The following LRRC4C variants were observed in gnomAD, a reference collection of about 807,000 sequenced individuals.
The protein encoded by LRRC4C is leucine-rich repeat-containing protein 4C.
A neutral mutation model predicts 33.6 loss-of-function variants in LRRC4C; 5 were observed. That is an observed-to-expected ratio of 0.15 (90% CI 0.08 to 0.31). The LOEUF (loss-of-function observed/expected upper bound fraction) is 0.31, where lower values mean the gene tolerates loss of function less well. Ranked by LOEUF, LRRC4C falls within the 10% of genes least tolerant of loss-of-function variation. LRRC4C has a pLI of 1.00. For synonymous variants in LRRC4C, 329 were observed against 302.0 expected (o/e 1.09, Z -0.93); for missense variants, 560 against 796.7 (o/e 0.70, Z 3.58).
chr11:40,887,155 G>A (rs940993988), intron 2 of LRRC4C, among the ~76,000 whole-genome samples: 1 of 151,398 alleles, frequency 6.6e-6, no homozygotes, highest in African/African-American at 2.4e-5. Context: ...GGTCATCAAA[G>A]GAACTATTTG....
At chr11:40,923,744 A>C (rs2136386818) in intron 2 of LRRC4C, among the ~76,000 whole-genome samples, 1 of 152,342 alleles carries the variant, frequency 6.6e-6, no homozygotes, top group East Asian at 1.9e-4. Context: ...AAATCTGAGA[A>C]AAAATGTCCT....
intron 2 of LRRC4C, among the ~76,000 whole-genome samples, chr11:40,840,650 C>T (rs1565121189): frequency 6.6e-6 from 1 of 152,104 alleles, no homozygotes; most frequent in Non-Finnish European, 1.5e-5. Context: ...AGGTTTTGAT[C>T]AGCTGCTCTT....
intron 1 of LRRC4C, among the ~76,000 whole-genome samples, chr11:41,055,347 G>C (rs1276712474): frequency 6.6e-6 from 1 of 151,864 alleles, no homozygotes; most frequent in Non-Finnish European, 1.5e-5. Context: ...TTCCAGCTTG[G>C]GGCATTTACA....
At chr11:41,269,696 A>G (rs145788168) in intron 1 of LRRC4C, among the ~76,000 whole-genome samples, 48 of 152,270 alleles carry the variant, frequency 3.2e-4, no homozygotes, top group African/African-American at 1.1e-3. Flanking sequence ...GGAAGAATGT[A>G]GACAGTGACT....
intron 2 of LRRC4C, among the ~76,000 whole-genome samples, chr11:40,675,377 G>C (rs767848647): frequency 6.6e-6 from 1 of 152,188 alleles, no homozygotes; most frequent in Non-Finnish European, 1.5e-5. Context: ...TTAAGACTCA[G>C]AAAAATTGGA....
At chr11:40,760,811 A>T (rs1462821512) in intron 2 of LRRC4C, among the ~76,000 whole-genome samples, 1 of 147,194 alleles carries the variant, frequency 6.8e-6, no homozygotes, top group African/African-American at 2.5e-5. Flanking sequence ...ACACACACAC[A>T]CACACACACA....
intron 1 of LRRC4C, among the ~76,000 whole-genome samples, chr11:41,027,739 G>T (rs1313829475): frequency 6.6e-6 from 1 of 151,638 alleles, no homozygotes; most frequent in Non-Finnish European, 1.5e-5. Flanking sequence ...AACCCAATGT[G>T]AATATTGTTG....
intron 3 of LRRC4C, among the ~76,000 whole-genome samples, chr11:40,327,797 T>C (rs533374490): frequency 6.6e-6 from 1 of 152,134 alleles, no homozygotes; most frequent in South Asian, 2.1e-4. Context: ...TTCACTACAC[T>C]CTACATTGAC....
intron 1 of LRRC4C, among the ~76,000 whole-genome samples, chr11:41,018,881 CT>C (rs1455979506): frequency 6.6e-6 from 1 of 152,026 alleles, no homozygotes; most frequent in Non-Finnish European, 1.5e-5. Context: ...CTCATTATTT[CT>C]TTGATATTGA....
rs578106017 is a variant in LRRC4C at position 41,022,225 on chromosome 11, A to G, written c.-495-88502T>C. ...ATATACAGAACATATAAGTGTATAT[A>G]TATGATCAGAACATGTAGAAGGAAA... On this transcript the variant is annotated intron_variant, in intron 1 of 6. Coordinates refer to ENST00000528697, the MANE Select transcript of LRRC4C (RefSeq NM_001258419.2). Among the ~76,000 whole-genome samples, 4 of 150,774 alleles carry G rather than the reference A, an allele frequency of 2.7e-5. No individual in the cohort carries two copies. The South Asian group carries it at 8.3e-4, about 31-fold the overall frequency.
chr11:41,074,047 T>G (rs550066504), intron 1 of LRRC4C, among the ~76,000 whole-genome samples: 3 of 152,334 alleles, frequency 2.0e-5, no homozygotes, highest in African/African-American at 7.2e-5. Flanking sequence ...AACTTTCAAT[T>G]AAATTAATGT....
intron 2 of LRRC4C, among the ~76,000 whole-genome samples, chr11:40,808,003 T>A (rs1951327491): frequency 6.6e-6 from 1 of 152,178 alleles, no homozygotes; most frequent in Non-Finnish European, 1.5e-5. Flanking sequence ...AATTACCAGT[T>A]TTTTTATCAT....
intron 2 of LRRC4C, among the ~76,000 whole-genome samples, chr11:40,672,771 G>A (rs1415988409): frequency 2.0e-5 from 3 of 152,092 alleles, no homozygotes; most frequent in Non-Finnish European, 2.9e-5. Flanking sequence ...TGTGTCAGAG[G>A]AATAACATCT....
At chr11:41,300,591 T>G (rs1950258519) in intron 1 of LRRC4C, among the ~76,000 whole-genome samples, 1 of 152,158 alleles carries the variant, frequency 6.6e-6, no homozygotes, top group Admixed American at 6.5e-5. Flanking sequence ...TTCTCTTTTC[T>G]TCCCTTTCCG....
rs189163360 is a variant in LRRC4C at position 41,301,218 on chromosome 11, T to C, written c.-496+158213A>G. Among the ~76,000 whole-genome samples, 83 of 152,308 alleles carry C rather than the reference T, an allele frequency of 5.4e-4. 1 individual carries two copies. In the South Asian group the frequency reaches 7.7e-3, roughly 14 times the overall value. On this transcript the variant is annotated intron_variant, in intron 1 of 6. Transcript: ENST00000528697. ...GAAGTGGATGCTTGCCAAGTGCTGATTGTACTGTTTCCCAAACCTATCTAC... is the reference window on the plus strand; with the variant it reads ...GAAGTGGATGCTTGCCAAGTGCTGACTGTACTGTTTCCCAAACCTATCTAC...
chr11:40,530,078 C>A (rs1019473536), intron 3 of LRRC4C, among the ~76,000 whole-genome samples: 6 of 152,028 alleles, frequency 3.9e-5, no homozygotes, highest in Admixed American at 2.0e-4. Context: ...TTTGGGAGAG[C>A]AATTCAAGAC....
intron 1 of LRRC4C, among the ~76,000 whole-genome samples, chr11:41,025,675 C>G (rs1856294079): frequency 6.6e-6 from 1 of 151,706 alleles, no homozygotes; most frequent in African/African-American, 2.4e-5. Flanking sequence ...GCAAGTTATC[C>G]AGAATATCTG....
intron 1 of LRRC4C, among the ~76,000 whole-genome samples, chr11:41,021,192 AGAGAGAGAGAGAGAGAGAGAGAGTGT>A (rs1357754362): frequency 5.0e-5 from 4 of 80,686 alleles, no homozygotes; most frequent in African/African-American, 2.3e-4. Flanking sequence ...AGAGAGAGAG[AGAGAGAGAGAGAGAGAGAGAGAGTGT>A]GTGTGTGTGT....
In LRRC4C at chr11:41,198,612, A is replaced by G. The variant is rs2136246699; in HGVS notation, c.-496+260819T>C. On this transcript the variant is annotated intron_variant, in intron 1 of 6. Transcript: ENST00000528697. ...AGCCCTTCTGACAAGAACAAGAAAT[A>G]TAGAGGGGAGAGGAAAAAAAAGTAT... Among the ~76,000 whole-genome samples, 2 of 101,752 alleles carry G rather than the reference A, an allele frequency of 2.0e-5. 1 individual carries two copies. The highest frequency in any genetic ancestry group is 9.7e-4 in the South Asian group (2 of 2,072). 66.8% of individuals were successfully genotyped at this position (101,752 alleles called of 152,430 possible).
Sources: allele counts gnomAD v4.1 joint callset (sites outside exome capture counted in the v4.1 genomes callset), GRCh38; gene constraint gnomAD v4.1.1; transcripts MANE v1.5; gene names NCBI Gene and HGNC (gene_info 2026-07-23, HGNC 2026-07-21).